The following CEACAM3 variants were observed in gnomAD, a reference collection of about 807,000 sequenced individuals.
The protein encoded by CEACAM3 is CEA cell adhesion molecule 3, also known as cell adhesion molecule CEACAM3.
CEACAM3 carries 32 observed loss-of-function variants against 30.1 expected under a neutral mutation model. The ratio of observed to expected loss-of-function variants is 1.06; its 90% CI spans 0.80 to 1.43. The LOEUF (loss-of-function observed/expected upper bound fraction) is 1.43, where lower values mean the gene tolerates loss of function less well. CEACAM3 is among the 40% of genes most tolerant of loss of function. The pLI, the probability that CEACAM3 is intolerant of heterozygous loss-of-function variation, is 0.00. For missense variants in CEACAM3, 290 were observed against 316.3 expected, an observed-to-expected ratio of 0.92 and a Z score of 0.63; for synonymous variants, 134 against 127.2, an observed-to-expected ratio of 1.05 and a Z score of -0.36.
At chr19:41,804,284 G>A (rs2073181202) in intron 2 of CEACAM3, among the ~76,000 whole-genome samples, 1 of 152,166 alleles carries the variant, frequency 6.6e-6, no homozygotes, top group African/African-American at 2.4e-5. Context: ...ACACACATGT[G>A]TCCCTCATGA....
intron 5 of CEACAM3, 93 bp downstream of exon 5, chr19:41,810,447 C>G: frequency 7.5e-7 from 1 of 1,340,114 alleles, no homozygotes; most frequent in African/African-American, 1.4e-5. Context: ...ACAGAACAGA[C>G]CCACCTTCCC....
intron 2 of CEACAM3, among the ~76,000 whole-genome samples, chr19:41,805,488 C>T (rs2073191489): frequency 6.6e-6 from 1 of 151,852 alleles, no homozygotes; most frequent in Admixed American, 6.6e-5. Context: ...GGGGTTTCAC[C>T]ATGTTGGCCA....
intron 2 of CEACAM3, among the ~76,000 whole-genome samples, chr19:41,803,280 T>TA (rs1181025444): frequency 1.3e-5 from 2 of 151,966 alleles, no homozygotes; most frequent in African/African-American, 4.8e-5. Flanking sequence ...ATGCTAGAGA[T>TA]AAAAAAAGAA....
chr19:41,810,733 G>C (rs1245237083), intron 5 of CEACAM3, 99 bp from the exon 6 acceptor site: 2 of 1,120,614 alleles, frequency 1.8e-6, no homozygotes, highest in African/African-American at 3.1e-5. Context: ...ACTCCTGAGG[G>C]GAAATGACCA....
Position 41,807,959 on chromosome 19 carries a change from C to T in CEACAM3, c.425-854C>T, listed in dbSNP as rs191963394. On this transcript the variant is annotated intron_variant, in intron 2 of 6. Coordinates refer to ENST00000357396, the MANE Select transcript of CEACAM3 (RefSeq NM_001815.5). ...ACATCGCAGTGGATAAGAGTGGATC[C>T]TATGCTTGCCTCGCCCATAACTCAG... Among the ~76,000 whole-genome samples, 8 of 152,330 alleles carry T rather than the reference C, an allele frequency of 5.3e-5. No individual in the cohort carries two copies. The East Asian group carries it at 1.4e-3, about 26-fold the overall frequency.
At chr19:41,800,051 A>G (rs1189494325) in intron 2 of CEACAM3, among the ~76,000 whole-genome samples, 2 of 152,196 alleles carry the variant, frequency 1.3e-5, no homozygotes, top group Admixed American at 1.3e-4. Context: ...CCAGTATAAT[A>G]AAATATAAAA....
intron 2 of CEACAM3, chr19:41,807,562 G>A (rs2073213387): frequency 1.0e-5 from 13 of 1,286,958 alleles, no homozygotes; most frequent in Middle Eastern, 3.3e-4. Context: ...TAGGAGGGGA[G>A]AGGCTGCTCC....
intron 2 of CEACAM3, among the ~76,000 whole-genome samples, chr19:41,803,813 T>C (rs2073176523): frequency 6.6e-6 from 1 of 152,016 alleles, no homozygotes; most frequent in Non-Finnish European, 1.5e-5. Context: ...GGCGTGGTTG[T>C]TCATGCTTGT....
At position 41,811,185 on chromosome 19, in the gene CEACAM3, A is replaced by T. The variant is rs1381957016; in HGVS notation, c.707A>T (p.His236Leu). ...AASIYEELLKHDTNIYCRMDH... is the reference protein window; with the variant it reads ...AASIYEELLKLDTNIYCRMDH... ...CTGTTTTAACAGGAATTGCTAAAAC[A>T]TGACACAAACATTTACTGCCGGATG... is the stretch of plus-strand genomic sequence containing the variant. The change falls in exon 7 of 7, where the codon CAT becomes CTT. Residue 236 changes from histidine (H) to leucine (L), a missense_variant. Physicochemically the swap from His to Leu is moderately conservative, Grantham distance 99. Transcript: ENST00000357396. 2.5e-6 allele frequency: 4 copies of T among 1,614,008 alleles called. No individual in the cohort carries two copies. Among genetic ancestry groups the T allele is most frequent in the Non-Finnish European group, 3.4e-6 (4 of 1,180,000 alleles).
rs111427208 is a variant in CEACAM3 at position 41,807,284 on chromosome 19, C to T, written c.425-1529C>T. The T allele has an allele frequency of 5.6e-4, 908 of 1,608,496 alleles. 2 individuals carry two copies. In the African/African-American group the frequency reaches 0.011, roughly 20 times the overall value. On this transcript the variant is annotated intron_variant, in intron 2 of 6. Coordinates refer to ENST00000357396, the MANE Select transcript of CEACAM3 (RefSeq NM_001815.5). Reference sequence around the variant, plus strand: ...GCAGCTGTCCAATGACAAGAGGACCCTCACTCTACTCAGTGTCACAAGGAA... The same window carrying T: ...GCAGCTGTCCAATGACAAGAGGACCTTCACTCTACTCAGTGTCACAAGGAA...
chr19:41,805,834 G>A (rs543711721), intron 2 of CEACAM3, among the ~76,000 whole-genome samples: 218 of 152,300 alleles, frequency 1.4e-3, no homozygotes, highest in African/African-American at 5.1e-3. Flanking sequence ...ATTTGCAAAC[G>A]TTCATATGTA....
intron 2 of CEACAM3, among the ~76,000 whole-genome samples, chr19:41,806,909 G>A (rs868927027): frequency 5.9e-5 from 9 of 152,024 alleles, no homozygotes; most frequent in Non-Finnish European, 1.2e-4. Context: ...GGATGGTCTC[G>A]ATCTCGTGAC....
At chr19:41,798,832 G>C (rs1387134749) in intron 2 of CEACAM3, among the ~76,000 whole-genome samples, 1 of 152,112 alleles carries the variant, frequency 6.6e-6, no homozygotes, top group Non-Finnish European at 1.5e-5. Context: ...CAACGTCACA[G>C]CCAAATAGCA....
intron 2 of CEACAM3, among the ~76,000 whole-genome samples, chr19:41,799,831 G>T (rs1819693359): frequency 6.6e-6 from 1 of 152,110 alleles, no homozygotes; most frequent in Non-Finnish European, 1.5e-5. Context: ...ATCCTATAAG[G>T]TTCTGGCCAC....
chr19:41,810,247 G>A, intron 4 of CEACAM3, 76 bp from the exon 5 acceptor site: 1 of 1,532,356 alleles, frequency 6.5e-7, no homozygotes, highest in Non-Finnish European at 8.9e-7. Flanking sequence ...TTAGAGCTGA[G>A]GACCCCCTAC....
chr19:41,810,345 T>G lies in CEACAM3; in HGVS notation c.618T>G (p.Ser206=). 6.2e-7 allele frequency: 1 copy of G among 1,604,386 alleles called. No individual in the cohort carries two copies. Among genetic ancestry groups the G allele is most frequent in the Non-Finnish European group, 8.5e-7 (1 of 1,176,076 alleles). ...CAGGCCGTGGTCCCTCCCACAGCTCTGCCTTCTCGGTAAGCCTGTCCCCTT... is the reference window on the plus strand; with the variant it reads ...CAGGCCGTGGTCCCTCCCACAGCTCGGCCTTCTCGGTAAGCCTGTCCCCTT... The part of the protein sequence containing the change: ...LAPGRGPSHS[S]AFSMSPLSTA... The change falls in exon 5 of 7, where the codon TCT becomes TCG. Residue 206 remains serine (S), a synonymous_variant. Coordinates refer to ENST00000357396, the MANE Select transcript of CEACAM3 (RefSeq NM_001815.5).
intron 2 of CEACAM3, chr19:41,807,270 A>G (rs2073210700): frequency 4.4e-6 from 7 of 1,608,592 alleles, no homozygotes; most frequent in East Asian, 4.5e-5. Flanking sequence ...CAGCTGTCCA[A>G]TGACAAGAGG....
chr19:41,811,156 T>G lies in CEACAM3; in HGVS notation c.694-16T>G. ...AGGAGACTAGAGGGGTCCAGGCCTC[T>G]TCTCTGTTTTAACAGGAATTGCTAA... On this transcript the variant is annotated splice_polypyrimidine_tract_variant and intron_variant, in intron 6 of 6. Coordinates refer to ENST00000357396, the MANE Select transcript of CEACAM3 (RefSeq NM_001815.5). 2 of 1,613,954 alleles carry G rather than the reference T, an allele frequency of 1.2e-6. No homozygotes were observed. The highest frequency in any genetic ancestry group is 2.2e-5 in the South Asian group (2 of 91,074).
At chr19:41,810,669 G>A (rs1358850310) in intron 5 of CEACAM3, among the ~76,000 whole-genome samples, 163 bp from the exon 6 acceptor site, 3 of 152,158 alleles carry the variant, frequency 2.0e-5, no homozygotes, top group Non-Finnish European at 2.9e-5. Context: ...GCCAGGAAAA[G>A]GGTCAGGGTG....
Sources: allele counts gnomAD v4.1 joint callset (sites outside exome capture counted in the v4.1 genomes callset), GRCh38; gene constraint gnomAD v4.1.1; transcripts MANE v1.5; gene names NCBI Gene and HGNC (gene_info 2026-07-23, HGNC 2026-07-21).